Variants in ST8SIA4 observed in about 807,000 individuals in gnomAD.
The protein encoded by ST8SIA4 is ST8 alpha-N-acetyl-neuraminide alpha-2,8-sialyltransferase 4.
In ST8SIA4, 15 loss-of-function variants were observed where a neutral mutation model predicts 33.9. The ratio of observed to expected loss-of-function variants is 0.44; its 90% CI spans 0.30 to 0.68. The LOEUF is 0.68. Among genes scored for constraint, ST8SIA4 ranks in the 30% least tolerant of loss-of-function variants. The pLI is 0.10. For synonymous variants in ST8SIA4, 171 were observed against 151.2 expected (o/e 1.13, Z -0.96); for missense variants, 321 against 428.0 (o/e 0.75, Z 2.21).
At chr5:100,884,618 CAGAG>C (rs1181321253) in intron 3 of ST8SIA4, among the ~76,000 whole-genome samples, 1 of 152,118 alleles carries the variant, frequency 6.6e-6, no homozygotes, top group African/African-American at 2.4e-5. Flanking sequence ...ACTCTTAAGA[CAGAG>C]AAAGAGTGTA....
At chr5:100,854,584 AAAAAC>A (rs561177294) in intron 4 of ST8SIA4, among the ~76,000 whole-genome samples, 5 of 152,152 alleles carry the variant, frequency 3.3e-5, no homozygotes, top group Admixed American at 6.5e-5. Context: ...CTCTGTCTCA[AAAAAC>A]AAAACAAAAC....
intron 2 of ST8SIA4, among the ~76,000 whole-genome samples, chr5:100,888,351 G>A (rs1170864923): frequency 6.6e-6 from 1 of 151,890 alleles, no homozygotes; most frequent in Non-Finnish European, 1.5e-5. Context: ...AAAGCAGGGG[G>A]TTGTGTTTGA....
intron 4 of ST8SIA4, among the ~76,000 whole-genome samples, chr5:100,855,577 T>C (rs1471573781): frequency 6.6e-6 from 1 of 152,196 alleles, no homozygotes; most frequent in East Asian, 1.9e-4. Flanking sequence ...TCTGAACTTG[T>C]GTTAATAAAA....
chr5:100,854,181 A>G (rs1380285678), intron 4 of ST8SIA4, among the ~76,000 whole-genome samples: 1 of 152,106 alleles, frequency 6.6e-6, no homozygotes, highest in Non-Finnish European at 1.5e-5. Flanking sequence ...AACTTAAAAA[A>G]AAAAGGCGGT....
chr5:100,868,495 T>C (rs1752126115), intron 3 of ST8SIA4, among the ~76,000 whole-genome samples: 2 of 152,166 alleles, frequency 1.3e-5, no homozygotes, highest in African/African-American at 4.8e-5. Context: ...CAATTCTCTG[T>C]TTCAGAGATG....
At chr5:100,829,426 CT>C (rs1420276004) in intron 4 of ST8SIA4, among the ~76,000 whole-genome samples, 3 of 152,100 alleles carry the variant, frequency 2.0e-5, no homozygotes, top group African/African-American at 7.2e-5. Context: ...TTTGATAAAT[CT>C]TTTCATTTAC....
chr5:100,902,903 A>C lies in ST8SIA4; in HGVS notation c.53T>G (p.Ile18Ser). 1.2e-6 allele frequency: 2 copies of C among 1,614,218 alleles called. No homozygotes were observed. Among genetic ancestry groups the C allele is most frequent in the Non-Finnish European group, 1.7e-6 (2 of 1,180,034 alleles). ...WTICTISLLL[I>S]FYKTKEIART... Reference sequence around the variant, plus strand: ...TGCTATTTCTTTTGTCTTATAAAAGATCAGGAGCAGACTTATTGTGCAGAT... The same window carrying C: ...TGCTATTTCTTTTGTCTTATAAAAGCTCAGGAGCAGACTTATTGTGCAGAT... Residue 18 changes from isoleucine (I) to serine (S), a missense_variant, in exon 1 of 5, where the codon ATC (isoleucine) becomes AGC (serine). Coordinates refer to ENST00000231461, the MANE Select transcript of ST8SIA4 (RefSeq NM_005668.6).
intron 1 of ST8SIA4, among the ~76,000 whole-genome samples, chr5:100,897,335 G>A (rs778112737): frequency 2.0e-4 from 30 of 152,046 alleles, no homozygotes; most frequent in Non-Finnish European, 3.7e-4. Flanking sequence ...ATTTATATCT[G>A]AATAAATTCA....
At chr5:100,842,745 T>A (rs1751494443) in intron 4 of ST8SIA4, among the ~76,000 whole-genome samples, 1 of 151,838 alleles carries the variant, frequency 6.6e-6, no homozygotes, top group Admixed American at 6.6e-5. Flanking sequence ...ATCAGAACTT[T>A]AGCTGCAAGT....
rs78953738 is a variant in ST8SIA4 at position 100,813,847 on chromosome 5, A to G, written c.798-1718T>C. 1.5e-3 allele frequency among the ~76,000 whole-genome samples: 221 copies of G among 152,136 alleles called. 1 individual carries two copies. Among genetic ancestry groups the G allele is most frequent in the African/African-American group, 4.8e-3 (199 of 41,564 alleles). ...AAAACTATCTATTTATAAATTTTTA[A>G]AGTAAGCCAAGCAAATTCAAAATCA... On this transcript the variant is annotated intron_variant, in intron 4 of 4. Transcript: ENST00000231461.
intron 3 of ST8SIA4, among the ~76,000 whole-genome samples, chr5:100,882,279 A>G (rs1160270505): frequency 1.3e-5 from 2 of 152,218 alleles, no homozygotes; most frequent in Non-Finnish European, 2.9e-5. Context: ...ATGTTTTAGC[A>G]AAAAGACTAG....
chr5:100,878,364 A>G (rs1752348562), intron 3 of ST8SIA4, among the ~76,000 whole-genome samples: 1 of 151,950 alleles, frequency 6.6e-6, no homozygotes, highest in African/African-American at 2.4e-5. Flanking sequence ...TTCAGTAGAG[A>G]TGGGGTTTCT....
chr5:100,900,760 T>TG (rs1308196197), intron 1 of ST8SIA4, among the ~76,000 whole-genome samples: 1 of 12,816 alleles, frequency 7.8e-5, no homozygotes, highest in Non-Finnish European at 1.5e-4. Flanking sequence ...TGACTTTGGG[T>TG]GGGGGGTGGG....
intron 1 of ST8SIA4, among the ~76,000 whole-genome samples, chr5:100,900,857 T>TC (rs1752893658): frequency 6.6e-6 from 1 of 152,176 alleles, no homozygotes; most frequent in Admixed American, 6.5e-5. Flanking sequence ...ACTCATTCTT[T>TC]CCCCCTCGCC....
At chr5:100,862,017 G>A (rs1265112694) in intron 3 of ST8SIA4, among the ~76,000 whole-genome samples, 1 of 152,106 alleles carries the variant, frequency 6.6e-6, no homozygotes, top group Admixed American at 6.5e-5. Flanking sequence ...ATGCATGCAG[G>A]TAAGTTAAAG....
intron 3 of ST8SIA4, among the ~76,000 whole-genome samples, chr5:100,872,650 C>G (rs1048652860): frequency 6.6e-6 from 1 of 152,046 alleles, no homozygotes; most frequent in African/African-American, 2.4e-5. Context: ...CATTCTCTTT[C>G]CTGCCACCCT....
intron 4 of ST8SIA4, among the ~76,000 whole-genome samples, chr5:100,817,036 G>A (rs1368477436): frequency 1.3e-5 from 2 of 149,676 alleles, no homozygotes; most frequent in African/African-American, 2.5e-5. Context: ...TCTGCCTCCC[G>A]GGTTGAAACT....
chr5:100,824,670 G>A (rs1464727014), intron 4 of ST8SIA4, among the ~76,000 whole-genome samples: 1 of 151,982 alleles, frequency 6.6e-6, no homozygotes. Flanking sequence ...AAAGGTGGAG[G>A]GGGGCAAGGT....
At chr5:100,900,268 C>A (rs575159666) in intron 1 of ST8SIA4, 1 of 363,234 alleles carries the variant, frequency 2.8e-6, no homozygotes, top group East Asian at 7.5e-5. Context: ...GCTGCCAAGC[C>A]ACAAGGCTCG....
Sources: gnomAD v4.1 joint callset for allele counts (sites outside exome capture counted in the v4.1 genomes callset) on GRCh38, gnomAD v4.1.1 for gene constraint, MANE v1.5 for transcripts, NCBI Gene and HGNC (gene_info 2026-07-23, HGNC 2026-07-21) for gene names.